DENND1A: variants seen among roughly 807,000 people sequenced by gnomAD.
The protein encoded by DENND1A is DENN domain-containing protein 1A.
Under a neutral mutation model 113.7 loss-of-function variants are expected in DENND1A, and 51 were observed. That is an observed-to-expected ratio of 0.45 (90% CI 0.36 to 0.57). The LOEUF (loss-of-function observed/expected upper bound fraction) is 0.57, where lower values mean the gene tolerates loss of function less well. DENND1A is among the 20% of genes least tolerant of loss of function. The pLI is 0.00. For synonymous variants in DENND1A, 565 were observed against 570.8 expected (o/e 0.99, Z 0.14); for missense variants, 1,258 against 1,395.9 (o/e 0.90, Z 1.57).
chr9:123,883,452 C>T (rs553928211), intron 1 of DENND1A, among the ~76,000 whole-genome samples: 19 of 152,296 alleles, frequency 1.2e-4, no homozygotes, highest in African/African-American at 4.6e-4. Context: ...GTACTATAGT[C>T]ACCTGGAGGG....
chr9:123,560,769 G>A (rs1373367491), intron 12 of DENND1A, among the ~76,000 whole-genome samples: 1 of 151,966 alleles, frequency 6.6e-6, no homozygotes, highest in African/African-American at 2.4e-5. Flanking sequence ...ACTCCAAGAG[G>A]GGACCATGGA....
At chr9:123,555,336 C>T (rs1270810976) in intron 13 of DENND1A, among the ~76,000 whole-genome samples, 1 of 152,234 alleles carries the variant, frequency 6.6e-6, no homozygotes, top group Non-Finnish European at 1.5e-5. Flanking sequence ...ACACTCCTCA[C>T]AGGGTAAAGT....
intron 4 of DENND1A, among the ~76,000 whole-genome samples, chr9:123,763,170 A>T (rs552651464): frequency 9.2e-5 from 14 of 152,266 alleles, no homozygotes; most frequent in African/African-American, 3.4e-4. Context: ...TATAGCTTCA[A>T]ATATTTCAAC....
At chr9:123,500,026 T>G (rs2134208041) in intron 13 of DENND1A, among the ~76,000 whole-genome samples, 1 of 152,296 alleles carries the variant, frequency 6.6e-6, no homozygotes, top group Middle Eastern at 3.4e-3. Context: ...CCAGTCTACA[T>G]AGGGGTTTAA....
rs148101159 is a variant in DENND1A, at chr9:123,393,889, T to C, written c.1632-6031A>G. 2.3e-3 allele frequency among the ~76,000 whole-genome samples: 343 copies of C among 152,322 alleles called. 1 individual carries two copies. The highest frequency in any genetic ancestry group is 8.0e-3 in the African/African-American group (332 of 41,564). Reference sequence around the variant, plus strand: ...TGGGTGAGTGTGAGATACCAGGTCCTTCCCGCCCCACTGGGGACTTGCTTT... The same window carrying C: ...TGGGTGAGTGTGAGATACCAGGTCCCTCCCGCCCCACTGGGGACTTGCTTT... On this transcript the variant is annotated intron_variant, in intron 21 of 23. Coordinates refer to ENST00000394215, the MANE Select transcript of DENND1A (RefSeq NM_001352964.2).
At chr9:123,865,994 C>T (rs1005796465) in intron 2 of DENND1A, among the ~76,000 whole-genome samples, 22 of 152,150 alleles carry the variant, frequency 1.4e-4, no homozygotes, top group Non-Finnish European at 7.4e-5. Flanking sequence ...ACTTCCTGGA[C>T]GGCCATGATG....
intron 13 of DENND1A, among the ~76,000 whole-genome samples, chr9:123,471,491 A>G (rs1293695560): frequency 1.3e-5 from 2 of 152,332 alleles, no homozygotes; most frequent in Middle Eastern, 3.4e-3. Context: ...ATTTCAGTGC[A>G]TGTGACACGC....
chr9:123,769,552 CTG>C lies in DENND1A; in HGVS notation c.142_143del (p.Gln48AspfsTer17), dbSNP rs776091328. 6.2e-7 allele frequency: 1 copy of C among 1,609,488 alleles called. No individual in the cohort carries two copies. Among genetic ancestry groups the C allele is most frequent in the Non-Finnish European group, 8.5e-7 (1 of 1,178,424 alleles). Reference protein sequence around the residue: ...PEDYSDQEVLQTLTKFCFPFY... With the variant: ...PEDYSDQEVLXTLTKFCFPFY... ...AGGGGAAACAAAACTTGGTCAAAGT[CTG>C]TAGAACTTCCTGTGGAGAGAAAGAG... is the stretch of plus-strand genomic sequence containing the variant. On this transcript the variant is annotated frameshift_variant, in exon 4 of 24. Transcript: ENST00000394215. LOFTEE classifies it high-confidence loss of function.
chr9:123,906,253 C>G (rs1190324951), intron 1 of DENND1A, among the ~76,000 whole-genome samples: 8 of 138,676 alleles, frequency 5.8e-5, no homozygotes, highest in Middle Eastern at 3.6e-3. Flanking sequence ...CAAGAGAAAG[C>G]AGGAAAGATC....
chr9:123,785,575 C>A (rs894520939), intron 3 of DENND1A, among the ~76,000 whole-genome samples: 1 of 152,038 alleles, frequency 6.6e-6, no homozygotes, highest in Non-Finnish European at 1.5e-5. Context: ...TAAACATATA[C>A]AAAAGAAGCA....
At chr9:123,914,520 G>A (rs1221322383) in intron 1 of DENND1A, among the ~76,000 whole-genome samples, 1 of 147,770 alleles carries the variant, frequency 6.8e-6, no homozygotes, top group African/African-American at 2.5e-5. Flanking sequence ...ACTCCAGCCT[G>A]GGCAACAGAG....
chr9:123,717,472 G>C (rs891761762), intron 5 of DENND1A, among the ~76,000 whole-genome samples: 43 of 152,218 alleles, frequency 2.8e-4, no homozygotes, highest in Admixed American at 2.8e-3. Flanking sequence ...CAGTTACTGG[G>C]TAGAGTAAGG....
At chr9:123,489,268 T>G (rs1195059381) in intron 13 of DENND1A, among the ~76,000 whole-genome samples, 1 of 151,644 alleles carries the variant, frequency 6.6e-6, no homozygotes, top group African/African-American at 2.4e-5. Flanking sequence ...GAAAGGAGAG[T>G]AAGGGAGAGA....
chr9:123,557,548 G>A (rs753238037), intron 13 of DENND1A, 22 bp downstream of exon 13: 2 of 1,612,822 alleles, frequency 1.2e-6, no homozygotes, highest in East Asian at 2.2e-5. Flanking sequence ...CACAGGCTCT[G>A]TGACATGCCA....
intron 2 of DENND1A, among the ~76,000 whole-genome samples, chr9:123,832,629 T>C (rs1256644410): frequency 6.9e-6 from 1 of 145,322 alleles, no homozygotes; most frequent in Non-Finnish European, 1.5e-5. Context: ...CTACAGACAG[T>C]AGAATGGATC....
chr9:123,864,224 T>C (rs1315165629), intron 2 of DENND1A, among the ~76,000 whole-genome samples: 2 of 152,326 alleles, frequency 1.3e-5, no homozygotes, highest in East Asian at 3.9e-4. Context: ...CCAAGTTTTA[T>C]TTGCAAATGA....
chr9:123,850,666 T>A (rs1014121176), intron 2 of DENND1A, among the ~76,000 whole-genome samples: 1 of 152,194 alleles, frequency 6.6e-6, no homozygotes, highest in African/African-American at 2.4e-5. Flanking sequence ...ACAGATTACA[T>A]AAGCTCGCCA....
chr9:123,543,179 T>G (rs2056413885), intron 13 of DENND1A, among the ~76,000 whole-genome samples: 1 of 152,226 alleles, frequency 6.6e-6, no homozygotes, highest in Non-Finnish European at 1.5e-5. Flanking sequence ...GCTGGTATCC[T>G]AATTCCATGG....
chr9:123,618,475 C>T (rs2060769133), intron 10 of DENND1A, among the ~76,000 whole-genome samples: 1 of 152,144 alleles, frequency 6.6e-6, no homozygotes, highest in Non-Finnish European at 1.5e-5. Flanking sequence ...GGAGTCGGGG[C>T]CAGCAACGTT....
Sources: allele counts gnomAD v4.1 joint callset (sites outside exome capture counted in the v4.1 genomes callset), GRCh38; gene constraint gnomAD v4.1.1; transcripts MANE v1.5; gene names NCBI Gene and HGNC (gene_info 2026-07-23, HGNC 2026-07-21).